The following ARHGAP22 variants were observed in gnomAD, a reference collection of about 807,000 sequenced individuals.
ARHGAP22 encodes the protein rho GTPase-activating protein 22.
In ARHGAP22, 48 loss-of-function variants were observed where a neutral mutation model predicts 59.1. That is an observed-to-expected ratio of 0.81 (90% confidence interval 0.64 to 1.03). ARHGAP22 has a LOEUF of 1.03. Among genes scored for constraint, ARHGAP22 ranks in the 50% least tolerant of loss-of-function variants. ARHGAP22 has a pLI of 0.00. For missense variants in ARHGAP22, 1,015 were observed against 958.7 expected (o/e 1.06, Z -0.78); for synonymous variants, 445 against 416.4 (o/e 1.07, Z -0.84).
intron 3 of ARHGAP22, among the ~76,000 whole-genome samples, chr10:48,508,013 G>A (rs1245708419): frequency 6.6e-6 from 1 of 152,108 alleles, no homozygotes; most frequent in Admixed American, 6.5e-5. Flanking sequence ...TTGTCTTGGA[G>A]GCACCTGCTT....
chr10:48,567,990 T>C (rs2058154533), intron 2 of ARHGAP22, among the ~76,000 whole-genome samples: 1 of 152,246 alleles, frequency 6.6e-6, no homozygotes, highest in Non-Finnish European at 1.5e-5. Flanking sequence ...ATAGCACTAA[T>C]TAAACATCGT....
At chr10:48,471,765 C>A (rs1393040656) in intron 4 of ARHGAP22, among the ~76,000 whole-genome samples, 6 of 152,206 alleles carry the variant, frequency 3.9e-5, no homozygotes, top group Admixed American at 3.9e-4. Context: ...GGGAGAGCAC[C>A]CCCTTCTCTT....
upstream of ARHGAP22, chr10:48,605,114 C>T: frequency 8.2e-7 from 1 of 1,213,258 alleles, no homozygotes. Context: ...CCTGGGCGCA[C>T]GCGTGGCTGT....
intron 3 of ARHGAP22, among the ~76,000 whole-genome samples, chr10:48,501,242 G>A (rs920420551): frequency 2.6e-5 from 4 of 152,256 alleles, no homozygotes; most frequent in African/African-American, 9.6e-5. Flanking sequence ...GGATGAAGGT[G>A]AGTGGCTGGA....
At chr10:48,491,875 C>T (rs535265562) in intron 3 of ARHGAP22, among the ~76,000 whole-genome samples, 1 of 152,342 alleles carries the variant, frequency 6.6e-6, no homozygotes, top group South Asian at 2.1e-4. Flanking sequence ...AACTATGACC[C>T]CGGGAAGTCT....
At chr10:48,457,703 C>G (rs930406832) in intron 5 of ARHGAP22, among the ~76,000 whole-genome samples, 2 of 152,174 alleles carry the variant, frequency 1.3e-5, no homozygotes, top group Admixed American at 1.3e-4. Flanking sequence ...GGCACTGAGG[C>G]TTCCAGGCCT....
intron 3 of ARHGAP22, among the ~76,000 whole-genome samples, chr10:48,482,812 G>C (rs906996045): frequency 2.6e-5 from 4 of 152,058 alleles, no homozygotes; most frequent in African/African-American, 9.7e-5. Context: ...CTCTCTTCTA[G>C]TTATTTTGAA....
intron 3 of ARHGAP22, chr10:48,523,963 C>T (rs1361016358): frequency 7.9e-7 from 1 of 1,265,130 alleles, no homozygotes; most frequent in African/African-American, 1.6e-5. Flanking sequence ...GCGGGCGGCC[C>T]TGGACACCCC....
At chr10:48,610,837 G>A (rs921393773) in intron 1 of ARHGAP22, among the ~76,000 whole-genome samples, 1 of 152,178 alleles carries the variant, frequency 6.6e-6, no homozygotes, top group Admixed American at 6.5e-5. Context: ...AGGGAGTGAA[G>A]TTGGCTGTAA....
chr10:48,450,914 G>GT lies in ARHGAP22; in HGVS notation c.1214_1215insA (p.Arg406GlnfsTer200), dbSNP rs2045870627. 6.3e-7 allele frequency: 1 copy of GT among 1,597,840 alleles called. No individual in the cohort carries two copies. The highest frequency in any genetic ancestry group is 1.3e-5 in the African/African-American group (1 of 74,614). On this transcript the variant is annotated frameshift_variant, in exon 9 of 10. Coordinates refer to ENST00000249601, the MANE Select transcript of ARHGAP22 (RefSeq NM_021226.4). LOFTEE classifies it high-confidence loss of function. ...TCCCCGGCCCCGTGGGGGCTGTTCT[G>GT]GAGAGCACCGCCACGGCCGCCCCGT...
intron 1 of ARHGAP22, among the ~76,000 whole-genome samples, chr10:48,602,202 T>C (rs1422132308): frequency 6.6e-6 from 1 of 152,168 alleles, no homozygotes; most frequent in Non-Finnish European, 1.5e-5. Flanking sequence ...AGGTACTTCA[T>C]CATATTAATA....
chr10:48,457,756 AG>A (rs981024256), intron 5 of ARHGAP22, among the ~76,000 whole-genome samples: 1 of 152,152 alleles, frequency 6.6e-6, no homozygotes, highest in Non-Finnish European at 1.5e-5. Flanking sequence ...CTGGGGCTAA[AG>A]GGGACCTTCT....
intron 3 of ARHGAP22, among the ~76,000 whole-genome samples, chr10:48,545,855 C>T (rs761105006): frequency 6.6e-6 from 1 of 152,304 alleles, no homozygotes; most frequent in Non-Finnish European, 1.5e-5. Flanking sequence ...TCCCTCTGGA[C>T]AAACTTGGCT....
chr10:48,458,711 T>A (rs1477409775), intron 5 of ARHGAP22, among the ~76,000 whole-genome samples: 1 of 152,180 alleles, frequency 6.6e-6, no homozygotes, highest in Admixed American at 6.5e-5. Flanking sequence ...GGAAGAGGCC[T>A]GGCTGGCTGA....
chr10:48,629,582 A>G (rs2061562071), intron 1 of ARHGAP22, among the ~76,000 whole-genome samples: 1 of 152,078 alleles, frequency 6.6e-6, no homozygotes, highest in Non-Finnish European at 1.5e-5. Context: ...CGTGTCTATC[A>G]TTTTGCTCAT....
chr10:48,450,562 C>A lies in ARHGAP22; in HGVS notation c.1567G>T (p.Gly523Trp). 2 of 1,529,014 alleles carry A rather than the reference C, an allele frequency of 1.3e-6. No homozygotes were observed. The highest frequency in any genetic ancestry group is 1.8e-6 in the Non-Finnish European group (2 of 1,139,202). 94.7% of individuals were successfully genotyped at this position (1,529,014 alleles called of 1,614,324 possible). A position where few individuals can be genotyped will look rare whatever the true frequency, so the allele number is the denominator to read the frequency against. The change falls in exon 9 of 10, where the codon GGG becomes TGG. Residue 523 changes from glycine (G) to tryptophan (W), a missense_variant. Physicochemically the swap from Gly to Trp is radical, Grantham distance 184 (BLOSUM62 -2). Coordinates refer to ENST00000249601, the MANE Select transcript of ARHGAP22 (RefSeq NM_021226.4). ...GCCGTGCAGCTGCTGAGTGAGCCCC[C>A]CACCGACGACTCGCTGGACGAGGCC... ...SGASSSESSV[G>W]GSLSSCTACR...
chr10:48,557,469 A>G (rs1590167761), intron 2 of ARHGAP22, among the ~76,000 whole-genome samples: 1 of 152,216 alleles, frequency 6.6e-6, no homozygotes, highest in East Asian at 1.9e-4. Flanking sequence ...GATTTAATGT[A>G]GAGACCCCAG....
chr10:48,582,876 C>T (rs998680890), intron 2 of ARHGAP22, 77 bp downstream of exon 2: 2 of 1,538,346 alleles, frequency 1.3e-6, no homozygotes, highest in African/African-American at 1.4e-5. Context: ...TGCCTTCCTC[C>T]CTTCTCCTGG....
rs535393381 is a variant in ARHGAP22, at chr10:48,580,046, C to T, written c.234+2907G>A. On this transcript the variant is annotated intron_variant, in intron 2 of 9. Coordinates refer to ENST00000249601, the MANE Select transcript of ARHGAP22 (RefSeq NM_021226.4). ...GGGAAATGGGAAGAAGTTTTATTGT[C>T]CCAAGAGGAATTGGGAGTGAGTGCC... 1.5e-3 allele frequency among the ~76,000 whole-genome samples: 221 copies of T among 152,204 alleles called. 1 individual carries two copies. Among genetic ancestry groups the T allele is most frequent in the African/African-American group, 5.2e-3 (215 of 41,524 alleles).
Sources: allele counts gnomAD v4.1 joint callset (sites outside exome capture counted in the v4.1 genomes callset), GRCh38; gene constraint gnomAD v4.1.1; transcripts MANE v1.5; gene names NCBI Gene and HGNC (gene_info 2026-07-23, HGNC 2026-07-21).